The following DLL3 variants were observed in gnomAD, a reference collection of about 807,000 sequenced individuals.
DLL3 encodes delta like canonical Notch ligand 3, also known as delta-like protein 3.
In DLL3, 49 loss-of-function variants were observed where a neutral mutation model predicts 55.0. That is an observed-to-expected ratio of 0.89 (90% CI 0.71 to 1.13). The LOEUF (loss-of-function observed/expected upper bound fraction) is 1.13. Among genes scored for constraint, DLL3 ranks in the 50% most tolerant of loss-of-function variants. The pLI is 0.00. For synonymous variants in DLL3, 421 were observed against 385.2 expected (o/e 1.09, Z -1.09); for missense variants, 962 against 875.5 (o/e 1.10, Z -1.25).
chr19:39,499,603 C>T, intron 2 of DLL3, 130 bp downstream of exon 2: 1 of 1,210,112 alleles, frequency 8.3e-7, no homozygotes, highest in South Asian at 1.4e-5. Flanking sequence ...ATTCCCAGAC[C>T]AGTAACTCTA....
Position 39,500,611 on chromosome 19 carries a change from C to T in DLL3, c.352-4C>T. 3 of 1,613,406 alleles carry T rather than the reference C, an allele frequency of 1.9e-6. No homozygotes were observed. The highest frequency in any genetic ancestry group is 1.7e-6 in the Non-Finnish European group (2 of 1,179,492). ...TTCATCTCCCCCTTCCTTCACCCAACCAGGGCACCTTCTCTTTCATCATCG... is the reference window on the plus strand; with the variant it reads ...TTCATCTCCCCCTTCCTTCACCCAATCAGGGCACCTTCTCTTTCATCATCG... On this transcript the variant is annotated splice_region_variant and splice_polypyrimidine_tract_variant and intron_variant, in intron 2 of 8. Transcript: ENST00000356433.
chr19:39,506,717 G>C (rs2079643129), intron 6 of DLL3, among the ~76,000 whole-genome samples: 1 of 151,992 alleles, frequency 6.6e-6, no homozygotes, highest in East Asian at 1.9e-4. Flanking sequence ...AGGAAGGGAA[G>C]AGAGGAGGGG....
chr19:39,503,008 T>G lies in DLL3; in HGVS notation c.603T>G (p.Gly201=), dbSNP rs1600754662. ...CRPRSAPSRC[G]PGLRPCAPLE... The stretch of plus-strand genomic sequence containing the variant: ...CGCGCAGCGCCCCCTCGCGGTGCGG[T>G]CCGGGACTGCGCCCCTGCGCACCGC... Residue 201 remains glycine (G), a synonymous_variant, in exon 4 of 9, where the codon GGT becomes GGG. Transcript: ENST00000356433. 6.6e-7 allele frequency: 1 copy of G among 1,505,548 alleles called. No individual in the cohort carries two copies. The allele number at this position is 1,505,548 out of a possible 1,614,324, so 93.3% of individuals were successfully genotyped here.
In DLL3 at chr19:39,508,416, T is replaced by G; in HGVS notation, c.*159T>G. 1.2e-6 allele frequency: 1 copy of G among 806,454 alleles called. No individual in the cohort carries two copies. The highest frequency in any genetic ancestry group is 1.5e-5 in the South Asian group (1 of 67,378). 50.0% of individuals were successfully genotyped at this position (806,454 alleles called of 1,614,324 possible). A position where few individuals can be genotyped will look rare whatever the true frequency, so the allele number is the denominator to read the frequency against. On this transcript the variant is annotated 3_prime_UTR_variant, in exon 9 of 9. Transcript: ENST00000356433. ...GTAAATAATGGTTATTTATATCCTA[T>G]TTTTTCTCACCCCATCTCTCTAGAA...
At chr19:39,506,935 G>A in intron 6 of DLL3, 104 bp from the exon 7 acceptor site, 1 of 1,257,842 alleles carries the variant, frequency 8.0e-7, no homozygotes, top group Non-Finnish European at 1.1e-6. Context: ...TTAAGTTAGA[G>A]AGAAAAAGGG....
intron 3 of DLL3, among the ~76,000 whole-genome samples, chr19:39,501,846 A>G (rs1600753494): frequency 6.6e-6 from 1 of 152,142 alleles, no homozygotes; most frequent in East Asian, 1.9e-4. Flanking sequence ...GGAGGTACCA[A>G]ATGTCACAGG....
Position 39,506,501 on chromosome 19 carries a change from G to T in DLL3, c.1094-538G>T, listed in dbSNP as rs542890989. Among the ~76,000 whole-genome samples, 5 of 152,218 alleles carry T rather than the reference G, an allele frequency of 3.3e-5. No homozygotes were observed. In the South Asian group the frequency reaches 1.0e-3, roughly 32 times the overall value. On this transcript the variant is annotated intron_variant, in intron 6 of 8. Transcript: ENST00000356433. ...GGTACTAGGGACTCAGCACCGACCA[G>T]GACATCTCTGGGCCGCACCCTCCTG... is the stretch of plus-strand genomic sequence containing the variant.
chr19:39,505,294 C>A lies in DLL3; in HGVS notation c.936C>A (p.Ser312Arg). Reference protein sequence around the residue: ...RGFYGLRCEVSGVTCADGPCF... With the variant: ...RGFYGLRCEVRGVTCADGPCF... ...TCTACGGGCTGCGGTGTGAGGTGAG[C>A]GGGGTGACATGTGCAGATGGACCCT... Residue 312 changes from serine (S) to arginine (R), a missense_variant, in exon 6 of 9, where the codon AGC (serine) becomes AGA (arginine). Transcript: ENST00000356433. 1 of 1,614,126 alleles carries A rather than the reference C, an allele frequency of 6.2e-7. No individual in the cohort carries two copies. The highest frequency in any genetic ancestry group is 8.5e-7 in the Non-Finnish European group (1 of 1,180,024).
chr19:39,506,978 A>G, intron 6 of DLL3, 61 bp from the exon 7 acceptor site: 1 of 1,506,442 alleles, frequency 6.6e-7, no homozygotes, highest in South Asian at 1.2e-5. Flanking sequence ...GCTGGGAAAC[A>G]GCGCGGGCAG....
intron 4 of DLL3, 140 bp from the exon 5 acceptor site, chr19:39,503,931 T>A (rs1292972556): frequency 1.2e-6 from 1 of 836,308 alleles, no homozygotes; most frequent in Non-Finnish European, 1.9e-6. Flanking sequence ...CAGTACCATC[T>A]AGTCCCGATG....
chr19:39,500,521 C>T, intron 2 of DLL3, 94 bp from the exon 3 acceptor site: 2 of 1,134,156 alleles, frequency 1.8e-6, no homozygotes, highest in Non-Finnish European at 2.7e-6. Context: ...CAGCAATGGC[C>T]ATCACCCTCC....
Position 39,502,948 on chromosome 19 carries a change from T to C in DLL3, c.543T>C (p.Pro181=), listed in dbSNP as rs115194365. Residue 181 remains proline, a synonymous_variant, in exon 4 of 9, where the codon CCT becomes CCC. Transcript: ENST00000356433. ...RFSYRARCEP[P]AVGTACTRLC... is the part of the protein sequence containing the mutation. Reference sequence around the variant, plus strand: ...CGTACCGCGCGCGCTGCGAGCCGCCTGCCGTCGGGACCGCGTGCACGCGCC... The same window carrying C: ...CGTACCGCGCGCGCTGCGAGCCGCCCGCCGTCGGGACCGCGTGCACGCGCC... 1,410 of 1,445,684 alleles carry C rather than the reference T, an allele frequency of 9.8e-4. 12 individuals are homozygous for C. The African/African-American group carries it at 0.018, about 18-fold the overall frequency. The allele number at this position is 1,445,684 out of a possible 1,614,324, so 89.6% of individuals were successfully genotyped here. A position where few individuals can be genotyped will look rare whatever the true frequency, so the allele number is the denominator to read the frequency against.
intron 5 of DLL3, 89 bp downstream of exon 5, chr19:39,504,377 TG>T (rs1046219422): frequency 5.2e-5 from 73 of 1,416,386 alleles, no homozygotes; most frequent in Non-Finnish European, 6.7e-5. Flanking sequence ...GACACCAGCC[TG>T]GGGAGGAGAT....
At position 39,499,223 on chromosome 19, in the gene DLL3, T is replaced by C; in HGVS notation, c.101T>C (p.Ile34Thr). 1 of 1,558,682 alleles carries C rather than the reference T, an allele frequency of 6.4e-7. No individual in the cohort carries two copies. Among genetic ancestry groups the C allele is most frequent in the Non-Finnish European group, 8.6e-7 (1 of 1,157,356 alleles). Residue 34 changes from isoleucine to threonine, a missense_variant, in exon 2 of 9, where the codon ATC (isoleucine) becomes ACC (threonine). Ile to Thr is a moderately conservative substitution (Grantham distance 89). Transcript: ENST00000356433. ...CCCGCTGGCGTCTTCGAGCTGCAGATCCACTCTTTCGGGCCGGGTCCAGGC... is the reference window on the plus strand; with the variant it reads ...CCCGCTGGCGTCTTCGAGCTGCAGACCCACTCTTTCGGGCCGGGTCCAGGC... ...TRPAGVFELQ[I>T]HSFGPGPGPG...
chr19:39,502,056 A>G (rs1307212441), intron 3 of DLL3, among the ~76,000 whole-genome samples: 8 of 150,970 alleles, frequency 5.3e-5, no homozygotes, highest in South Asian at 2.1e-4. Flanking sequence ...GCGTGGTGGC[A>G]GGCGCCTGTA....
intron 3 of DLL3, among the ~76,000 whole-genome samples, chr19:39,501,280 C>A (rs894056953): frequency 6.6e-6 from 1 of 152,046 alleles, no homozygotes; most frequent in African/African-American, 2.4e-5. Context: ...AGATTACAGG[C>A]ATGAGCCACC....
rs2079634210 is a variant in DLL3 at position 39,505,376 on chromosome 19, C to T, written c.1018C>T (p.His340Tyr). 1 of 1,614,136 alleles carries T rather than the reference C, an allele frequency of 6.2e-7. No individual in the cohort carries two copies. Among genetic ancestry groups the T allele is most frequent in the Non-Finnish European group, 8.5e-7 (1 of 1,180,020 alleles). Residue 340 changes from histidine (H) to tyrosine (Y), a missense_variant, in exon 6 of 9, where the codon CAC becomes TAC. Coordinates refer to ENST00000356433, the MANE Select transcript of DLL3 (RefSeq NM_203486.3). The stretch of plus-strand genomic sequence containing the variant: ...AGACCCTGACTCTGCCTACATCTGC[C>T]ACTGCCCACCCGGTTTCCAAGGCTC... Reference protein sequence around the residue: ...GADPDSAYICHCPPGFQGSNC... With the variant: ...GADPDSAYICYCPPGFQGSNC...
intron 6 of DLL3, 110 bp downstream of exon 6, chr19:39,505,561 A>C (rs1325115947): frequency 2.5e-6 from 3 of 1,204,438 alleles, no homozygotes; most frequent in East Asian, 2.4e-5. Context: ...GGGCCTGGGG[A>C]CCTGACCTTC....
rs745786021 is a variant in DLL3, at chr19:39,507,116, G to A, written c.1171G>A (p.Asp391Asn). ...AGFAGPRCEH[D>N]LDDCAGRACA... ...CTTCGCGGGTCCTCGCTGCGAGCAC[G>A]ACCTGGACGACTGCGCGGGCCGCGC... The change falls in exon 7 of 9, where the codon GAC becomes AAC. Residue 391 changes from aspartate (D) to asparagine (N), a missense_variant. Physicochemically the swap from Asp to Asn is conservative, Grantham distance 23. Transcript: ENST00000356433. The A allele has an allele frequency of 3.9e-6, 6 of 1,535,588 alleles. No individual in the cohort carries two copies. The highest frequency in any genetic ancestry group is 2.4e-5 in the South Asian group (2 of 84,242).
Sources: allele counts gnomAD v4.1 joint callset (sites outside exome capture counted in the v4.1 genomes callset), GRCh38; gene constraint gnomAD v4.1.1; transcripts MANE v1.5; gene names NCBI Gene and HGNC (gene_info 2026-07-23, HGNC 2026-07-21).